The following CDK17 variants were observed in gnomAD, a reference collection of about 807,000 sequenced individuals.
CDK17 encodes the protein cyclin-dependent kinase 17.
CDK17 carries 24 observed loss-of-function variants against 77.6 expected under a neutral mutation model. The ratio of observed to expected loss-of-function variants is 0.31; its 90% CI spans 0.22 to 0.44. CDK17 has a LOEUF of 0.44. Among genes scored for constraint, CDK17 ranks in the 20% least tolerant of loss-of-function variants. The pLI is 1.00. For synonymous variants in CDK17, 203 were observed against 210.4 expected, an observed-to-expected ratio of 0.96 and a Z score of 0.30; for missense variants, 429 against 622.5, an observed-to-expected ratio of 0.69 and a Z score of 3.31.
At position 96,400,157 on chromosome 12, in the gene CDK17, C is replaced by G. The variant is rs1056251313; in HGVS notation, c.-201G>C. 2.5e-6 allele frequency: 1 copy of G among 394,212 alleles called. No individual in the cohort carries two copies. The highest frequency in any genetic ancestry group is 4.4e-5 in the Admixed American group (1 of 22,554). The allele number at this position is 394,212 out of a possible 1,614,324, so 24.4% of individuals were successfully genotyped here. A position where few individuals can be genotyped will look rare whatever the true frequency, so the allele number is the denominator to read the frequency against. Reference sequence around the variant, plus strand: ...GCCACAGCCGCCTTCCGGCTCTCGCCGCGGGTCCGGAGCCTCGGGAGGGGC... The same window carrying G: ...GCCACAGCCGCCTTCCGGCTCTCGCGGCGGGTCCGGAGCCTCGGGAGGGGC... On this transcript the variant is annotated 5_prime_UTR_variant, in exon 1 of 17. Coordinates refer to ENST00000261211, the MANE Select transcript of CDK17 (RefSeq NM_002595.5).
At chr12:96,365,198 T>C (rs1038971630) in intron 1 of CDK17, among the ~76,000 whole-genome samples, 1 of 152,304 alleles carries the variant, frequency 6.6e-6, no homozygotes, top group East Asian at 1.9e-4. Context: ...ATGCCAATCA[T>C]TAAAATAATT....
chr12:96,384,903 G>A (rs1953947862), intron 1 of CDK17, among the ~76,000 whole-genome samples: 1 of 151,228 alleles, frequency 6.6e-6, no homozygotes, highest in Non-Finnish European at 1.5e-5. Context: ...CCAGCTACGT[G>A]GAAGGCTGAG....
At position 96,279,998 on chromosome 12, in the gene CDK17, T is replaced by C. The variant is rs185531639; in HGVS notation, c.*244A>G. On this transcript the variant is annotated 3_prime_UTR_variant, in exon 17 of 17. Coordinates refer to ENST00000261211, the MANE Select transcript of CDK17 (RefSeq NM_002595.5). The stretch of plus-strand genomic sequence containing the variant: ...AAAATTGCAGCTATAGTTACATCAA[T>C]AGCTGTAACCTACTGGCTCTAATGG... The C allele has an allele frequency of 7.2e-5, 29 of 403,088 alleles. No individual in the cohort carries two copies. Among genetic ancestry groups the C allele is most frequent in the East Asian group, 3.5e-4 (9 of 25,878 alleles). The allele number at this position is 403,088 out of a possible 1,614,324, so 25.0% of individuals were successfully genotyped here.
intron 1 of CDK17, among the ~76,000 whole-genome samples, chr12:96,382,528 G>A (rs930002282): frequency 2.6e-5 from 4 of 152,012 alleles, no homozygotes; most frequent in African/African-American, 9.7e-5. Flanking sequence ...GCATCAGCCT[G>A]ATACCAAAAT....
At chr12:96,343,823 A>AC (rs758786903) in intron 1 of CDK17, among the ~76,000 whole-genome samples, 4 of 152,214 alleles carry the variant, frequency 2.6e-5, no homozygotes, top group Non-Finnish European at 5.9e-5. Context: ...CAAAGCACAC[A>AC]AACAGGAAAG....
intron 10 of CDK17, among the ~76,000 whole-genome samples, chr12:96,289,553 G>A (rs1231461761): frequency 6.6e-6 from 1 of 152,108 alleles, no homozygotes; most frequent in Admixed American, 6.6e-5. Context: ...AGTATTCTGG[G>A]TGAATCTAAA....
intron 1 of CDK17, among the ~76,000 whole-genome samples, chr12:96,347,355 G>A (rs1953230467): frequency 6.6e-6 from 1 of 151,432 alleles, no homozygotes; most frequent in Admixed American, 6.6e-5. Flanking sequence ...CCTGAGGTCA[G>A]GAGTTTCAAA....
intron 5 of CDK17, among the ~76,000 whole-genome samples, chr12:96,308,229 TAA>T (rs61572243): frequency 1.9e-3 from 118 of 63,718 alleles, no homozygotes; most frequent in African/African-American, 5.3e-3. Flanking sequence ...ATGCCATCTC[TAA>T]AAAAAAAAAA....
intron 1 of CDK17, among the ~76,000 whole-genome samples, chr12:96,397,144 T>G (rs1321603514): frequency 6.6e-6 from 1 of 152,162 alleles, no homozygotes; most frequent in East Asian, 1.9e-4. Flanking sequence ...AGCAACAAAA[T>G]GATTTTATAT....
At chr12:96,286,557 A>G (rs747725306) in intron 12 of CDK17, 107 bp downstream of exon 12, 47 of 712,626 alleles carry the variant, frequency 6.6e-5, no homozygotes, top group Non-Finnish European at 1.1e-4. Flanking sequence ...ACAGCTGTTT[A>G]TGTTAGTCTC....
chr12:96,383,165 C>T (rs914317373), intron 1 of CDK17, among the ~76,000 whole-genome samples: 2 of 151,942 alleles, frequency 1.3e-5, no homozygotes, highest in African/African-American at 4.8e-5. Flanking sequence ...TTTACAATAG[C>T]CCCCCAAAAA....
chr12:96,282,012 C>G (rs1952184769), intron 15 of CDK17: 1 of 152,274 alleles, frequency 6.6e-6, no homozygotes, highest in African/African-American at 2.4e-5. Flanking sequence ...GGGAAATCTG[C>G]TATTACAGTG....
Position 96,354,895 on chromosome 12 carries a change from A to T in CDK17, c.-29-20030T>A, listed in dbSNP as rs114309425. On this transcript the variant is annotated intron_variant, in intron 1 of 16. Coordinates refer to ENST00000261211, the MANE Select transcript of CDK17 (RefSeq NM_002595.5). ...TGAGACCCCAACTCTTAAGAAAAAAATTTCGAGCATCCTAACTCGTCTTAC... is the reference window on the plus strand; with the variant it reads ...TGAGACCCCAACTCTTAAGAAAAAATTTTCGAGCATCCTAACTCGTCTTAC... Among the ~76,000 whole-genome samples, 850 of 152,108 alleles carry T rather than the reference A, an allele frequency of 5.6e-3. 17 individuals carry two copies. The highest frequency in any genetic ancestry group is 0.02 in the African/African-American group (813 of 41,490).
intron 5 of CDK17, among the ~76,000 whole-genome samples, chr12:96,310,410 A>G: frequency 6.6e-6 from 1 of 152,282 alleles, no homozygotes; most frequent in African/African-American, 2.4e-5. Context: ...AATATTACAC[A>G]TTTAAAAAAC....
At chr12:96,307,441 T>C (rs1464887820) in intron 5 of CDK17, among the ~76,000 whole-genome samples, 1 of 152,240 alleles carries the variant, frequency 6.6e-6, no homozygotes, top group Non-Finnish European at 1.5e-5. Context: ...AAAAATTACA[T>C]GGTGATTAAA....
At chr12:96,347,665 T>C (rs1163041769) in intron 1 of CDK17, among the ~76,000 whole-genome samples, 7 of 137,630 alleles carry the variant, frequency 5.1e-5, no homozygotes, top group African/African-American at 1.7e-4. Context: ...AGGAAAGAAA[T>C]ATAGGACTTG....
intron 5 of CDK17, among the ~76,000 whole-genome samples, chr12:96,308,412 A>G (rs1358741937): frequency 6.6e-6 from 1 of 151,738 alleles, no homozygotes; most frequent in Non-Finnish European, 1.5e-5. Context: ...CCTTGTCTCT[A>G]AAGAAAATAG....
At chr12:96,362,598 C>T (rs537033825) in intron 1 of CDK17, among the ~76,000 whole-genome samples, 1,122 of 104,668 alleles carry the variant, frequency 0.011, 8 homozygotes, top group African/African-American at 0.028. Context: ...TGTAAAACTT[C>T]ATCTGTAAAT....
At chr12:96,394,676 G>A (rs1311895004) in intron 1 of CDK17, among the ~76,000 whole-genome samples, 10 of 151,402 alleles carry the variant, frequency 6.6e-5, no homozygotes, top group East Asian at 1.9e-4. Flanking sequence ...TTAGTTGGAC[G>A]TGGAAGCTCA....
Sources: gnomAD v4.1 joint callset for allele counts (sites outside exome capture counted in the v4.1 genomes callset) on GRCh38, gnomAD v4.1.1 for gene constraint, MANE v1.5 for transcripts, NCBI Gene and HGNC (gene_info 2026-07-23, HGNC 2026-07-21) for gene names.